Variants in DIS3L observed in about 807,000 individuals in gnomAD.
DIS3L encodes DIS3 like exosome 3'-5' exoribonuclease.
Under a neutral mutation model 120.3 loss-of-function variants are expected in DIS3L, and 100 were observed. That is an observed-to-expected ratio of 0.83 (90% CI 0.71 to 0.98). The LOEUF is 0.98. Among genes scored for constraint, DIS3L ranks in the 50% least tolerant of loss-of-function variants. The pLI is 0.00. For synonymous variants in DIS3L, 426 were observed against 470.6 expected, an observed-to-expected ratio of 0.91 and a Z score of 1.23; for missense variants, 1,196 against 1,314.2, an observed-to-expected ratio of 0.91 and a Z score of 1.39.
In DIS3L at chr15:66,329,089, C is replaced by T. The variant is rs2092970047; in HGVS notation, c.2321C>T (p.Thr774Ile). ...QAMSNALYFS[T>I]GSCAEEEFHH... ...ATGTCGAATGCTCTGTACTTCTCCA[C>T]CGGATCCTGTGCGGAGGAGGAGTTC... Residue 774 changes from threonine to isoleucine, a missense_variant, in exon 13 of 17, where the codon ACC (threonine) becomes ATC (isoleucine). Coordinates refer to ENST00000319212, the MANE Select transcript of DIS3L (RefSeq NM_001143688.3). 2 of 1,613,976 alleles carry T rather than the reference C, an allele frequency of 1.2e-6. No individual in the cohort carries two copies. Among genetic ancestry groups the T allele is most frequent in the Non-Finnish European group, 1.7e-6 (2 of 1,179,978 alleles).
At chr15:66,328,326 A>C (rs1223198893) in intron 12 of DIS3L, among the ~76,000 whole-genome samples, 1 of 152,118 alleles carries the variant, frequency 6.6e-6, no homozygotes, top group African/African-American at 2.4e-5. Flanking sequence ...AGCCAGCCAC[A>C]ATATAGGACT....
intron 4 of DIS3L, 62 bp downstream of exon 4, chr15:66,308,906 A>G: frequency 6.6e-7 from 1 of 1,523,250 alleles, no homozygotes; most frequent in East Asian, 2.3e-5. Context: ...ATAAGGCTCT[A>G]GATCCCTTTG....
At chr15:66,301,273 ATTTATTTATT>A (rs1326360247) in intron 2 of DIS3L, among the ~76,000 whole-genome samples, 10 of 142,508 alleles carry the variant, frequency 7.0e-5, no homozygotes, top group Non-Finnish European at 1.3e-4. Flanking sequence ...TTGAATTTAT[ATTTATTTATT>A]TATTTATTTA....
intron 4 of DIS3L, among the ~76,000 whole-genome samples, chr15:66,309,094 A>AAAAATATATATATATATAT: frequency 1.3e-4 from 2 of 15,312 alleles, no homozygotes; most frequent in Non-Finnish European, 2.4e-4. Context: ...AAAAAAAAAA[A>AAAAATATATATATATATAT]ATATATATAT....
At chr15:66,301,917 C>CT (rs2092652175) in intron 2 of DIS3L, among the ~76,000 whole-genome samples, 1 of 152,074 alleles carries the variant, frequency 6.6e-6, no homozygotes, top group Non-Finnish European at 1.5e-5. Context: ...CACTAAAAGT[C>CT]TAAGAAAATA....
At chr15:66,295,646 G>C (rs1325386165) in intron 2 of DIS3L, among the ~76,000 whole-genome samples, 12 of 152,174 alleles carry the variant, frequency 7.9e-5, no homozygotes, top group Admixed American at 7.2e-4. Flanking sequence ...GTAACTACCA[G>C]CCATAGTCAT....
intron 2 of DIS3L, among the ~76,000 whole-genome samples, chr15:66,297,026 C>T (rs1027149306): frequency 1.3e-5 from 2 of 152,102 alleles, no homozygotes; most frequent in Non-Finnish European, 2.9e-5. Context: ...GTCTTTAAGG[C>T]GTATTACGAG....
At chr15:66,325,792 A>G (rs747513092) in intron 11 of DIS3L, 39 bp from the exon 12 acceptor site, 31 of 1,551,524 alleles carry the variant, frequency 2.0e-5, no homozygotes, top group Non-Finnish European at 2.5e-5. Context: ...AGCCAGATGA[A>G]TTTGAATAGT....
intron 1 of DIS3L, chr15:66,294,582 G>A: frequency 1.0e-6 from 1 of 964,766 alleles, no homozygotes; most frequent in Non-Finnish European, 1.2e-6. Context: ...TGCTGAGCAC[G>A]TGCAGAAGCT....
At chr15:66,301,585 C>G (rs1197101381) in intron 2 of DIS3L, among the ~76,000 whole-genome samples, 1 of 152,144 alleles carries the variant, frequency 6.6e-6, no homozygotes, top group Non-Finnish European at 1.5e-5. Context: ...CTGACCTGTA[C>G]TTGACTGTCT....
chr15:66,326,927 G>A (rs965425744), intron 12 of DIS3L, among the ~76,000 whole-genome samples: 11 of 147,754 alleles, frequency 7.4e-5, no homozygotes, highest in Non-Finnish European at 1.7e-4. Flanking sequence ...TTTTTGTTCG[G>A]TTGGTTTTTT....
chr15:66,294,772 A>G (rs1249801871), intron 1 of DIS3L, among the ~76,000 whole-genome samples: 1 of 152,186 alleles, frequency 6.6e-6, no homozygotes, highest in Non-Finnish European at 1.5e-5. Flanking sequence ...CAACACCATA[A>G]ACCACGTTGA....
intron 2 of DIS3L, among the ~76,000 whole-genome samples, chr15:66,302,434 T>A (rs2092658282): frequency 6.6e-6 from 1 of 152,144 alleles, no homozygotes; most frequent in South Asian, 2.1e-4. Context: ...TGCAGTGATG[T>A]CTATGAAGCT....
At chr15:66,299,923 C>T (rs1408797896) in intron 2 of DIS3L, among the ~76,000 whole-genome samples, 2 of 151,978 alleles carry the variant, frequency 1.3e-5, no homozygotes, top group East Asian at 1.9e-4. Context: ...GTGTGATGCA[C>T]GCCTGTAGTC....
At chr15:66,313,873 A>G (rs1489215457) in intron 5 of DIS3L, among the ~76,000 whole-genome samples, 166 bp from the exon 6 acceptor site, 1 of 149,720 alleles carries the variant, frequency 6.7e-6, no homozygotes. Context: ...GTGTATATAT[A>G]TATATATGTG....
chr15:66,329,146 T>C (rs2092971412), intron 13 of DIS3L, 22 bp downstream of exon 13: 1 of 1,598,600 alleles, frequency 6.3e-7, no homozygotes, highest in Non-Finnish European at 8.5e-7. Context: ...CATATTCCTA[T>C]GTGTGGCTGT....
intron 4 of DIS3L, among the ~76,000 whole-genome samples, chr15:66,309,172 A>C (rs2140350058): frequency 6.9e-6 from 1 of 144,308 alleles, no homozygotes; most frequent in East Asian, 2.0e-4. Context: ...GAATCACTGG[A>C]GCCTGGGAGA....
intron 12 of DIS3L, among the ~76,000 whole-genome samples, chr15:66,328,309 T>C (rs1419713436): frequency 6.6e-6 from 1 of 152,178 alleles, no homozygotes; most frequent in Admixed American, 6.5e-5. Context: ...TTTCCCCCTT[T>C]TCCCTTAGCC....
chr15:66,329,939 AAACAT>A, intron 14 of DIS3L: 1 of 984,812 alleles, frequency 1.0e-6, no homozygotes. Flanking sequence ...ATGAAGACAG[AAACAT>A]CACCTGTTAT....
Sources: allele counts gnomAD v4.1 joint callset (sites outside exome capture counted in the v4.1 genomes callset), GRCh38; gene constraint gnomAD v4.1.1; transcripts MANE v1.5; gene names NCBI Gene and HGNC (gene_info 2026-07-23, HGNC 2026-07-21).